The following CHKA variants were observed in gnomAD, a reference collection of about 807,000 sequenced individuals.
CHKA encodes choline kinase alpha, also known as CHETK-alpha.
CHKA carries 34 observed loss-of-function variants against 60.1 expected under a neutral mutation model. The ratio of observed to expected loss-of-function variants is 0.57; its 90% CI spans 0.43 to 0.75. CHKA has a LOEUF of 0.75. Ranked by LOEUF, CHKA falls within the 30% of genes least tolerant of loss-of-function variation. CHKA has a pLI of 0.00. For missense variants in CHKA, 563 were observed against 561.3 expected, an observed-to-expected ratio of 1.00 and a Z score of -0.03; for synonymous variants, 217 against 223.1, an observed-to-expected ratio of 0.97 and a Z score of 0.24.
In CHKA at chr11:68,105,326, C is replaced by T. The variant is rs533185824; in HGVS notation, c.351-8196G>A. On this transcript the variant is annotated intron_variant, in intron 1 of 11. Coordinates refer to ENST00000265689, the MANE Select transcript of CHKA (RefSeq NM_001277.3). ...GGTCAGGAATTCAAGACCAGCCTGG[C>T]AAACACGGTGAAACCCCATCTCTAC... Among the ~76,000 whole-genome samples the T allele has an allele frequency of 9.9e-5, 15 of 151,580 alleles. No homozygotes were observed. In the East Asian group the frequency reaches 2.9e-3, roughly 30 times the overall value.
chr11:68,084,109 T>G (rs1857077138), intron 2 of CHKA, among the ~76,000 whole-genome samples: 2 of 150,910 alleles, frequency 1.3e-5, no homozygotes, highest in African/African-American at 4.9e-5. Flanking sequence ...TAGCCGGGCA[T>G]AGTGGCGCAT....
chr11:68,077,163 A>G (rs767055814), intron 3 of CHKA, among the ~76,000 whole-genome samples: 1 of 152,104 alleles, frequency 6.6e-6, no homozygotes, highest in African/African-American at 2.4e-5. Context: ...TCGCCTGAAC[A>G]TGGGAGGCAG....
intron 1 of CHKA, among the ~76,000 whole-genome samples, chr11:68,105,999 C>T (rs868613236): frequency 1.4e-4 from 22 of 152,118 alleles, no homozygotes; most frequent in African/African-American, 5.3e-4. Context: ...GATCTTTAAG[C>T]CATAGGGCTG....
intron 11 of CHKA, among the ~76,000 whole-genome samples, chr11:68,057,368 A>G (rs1458301483): frequency 1.3e-5 from 2 of 152,086 alleles, no homozygotes; most frequent in African/African-American, 4.8e-5. Context: ...CGCCCAGGCC[A>G]GAGTGCAGTG....
At chr11:68,071,475 T>C (rs1365811772) in intron 4 of CHKA, among the ~76,000 whole-genome samples, 2 of 152,212 alleles carry the variant, frequency 1.3e-5, no homozygotes, top group Non-Finnish European at 2.9e-5. Context: ...TTCCCCTAAA[T>C]CAGCCCGAGG....
intron 3 of CHKA, among the ~76,000 whole-genome samples, chr11:68,078,922 A>AT (rs201204706): frequency 0.013 from 1,960 of 149,180 alleles, 34 homozygotes; most frequent in East Asian, 0.065. Flanking sequence ...TTCAGTTATT[A>AT]TTTTTTTTTT....
At chr11:68,089,549 C>T (rs1857287087) in intron 2 of CHKA, among the ~76,000 whole-genome samples, 1 of 152,118 alleles carries the variant, frequency 6.6e-6, no homozygotes, top group Non-Finnish European at 1.5e-5. Flanking sequence ...CCATAAATTT[C>T]TAAAATTCCT....
intron 4 of CHKA, among the ~76,000 whole-genome samples, chr11:68,071,384 G>A (rs778411295): frequency 5.3e-5 from 8 of 152,212 alleles, no homozygotes; most frequent in Non-Finnish European, 8.8e-5. Context: ...CACCTGGCCT[G>A]GCACAGAGCA....
intron 1 of CHKA, among the ~76,000 whole-genome samples, chr11:68,103,349 C>A (rs1857796615): frequency 6.6e-6 from 1 of 151,962 alleles, no homozygotes; most frequent in Admixed American, 6.6e-5. Context: ...GAGCAAGACC[C>A]TGTCTCAGTA....
Position 68,053,856 on chromosome 11 carries a change from A to T in CHKA, c.*132T>A. ...CCATTTTAATACCGTCTTTAGTATCATACACATGTGTTCAGTAGTGAGCCA... is the reference window on the plus strand; with the variant it reads ...CCATTTTAATACCGTCTTTAGTATCTTACACATGTGTTCAGTAGTGAGCCA... On this transcript the variant is annotated 3_prime_UTR_variant, in exon 12 of 12. Coordinates refer to ENST00000265689, the MANE Select transcript of CHKA (RefSeq NM_001277.3). The T allele has an allele frequency of 1.5e-6, 1 of 645,472 alleles. No individual in the cohort carries two copies. The highest frequency in any genetic ancestry group is 2.7e-5 in the Admixed American group (1 of 36,880). The allele number at this position is 645,472 out of a possible 1,614,324, so 40.0% of individuals were successfully genotyped here. A position where few individuals can be genotyped will look rare whatever the true frequency, so the allele number is the denominator to read the frequency against.
rs1053534311 is a variant in CHKA at position 68,053,742 on chromosome 11, A to G, written c.*246T>C. 11 of 434,618 alleles carry G rather than the reference A, an allele frequency of 2.5e-5. No homozygotes were observed. Among genetic ancestry groups the G allele is most frequent in the Admixed American group, 2.5e-4 (6 of 24,454 alleles). The allele number at this position is 434,618 out of a possible 1,614,324, so 26.9% of individuals were successfully genotyped here. On this transcript the variant is annotated 3_prime_UTR_variant, in exon 12 of 12. Coordinates refer to ENST00000265689, the MANE Select transcript of CHKA (RefSeq NM_001277.3). ...TTCTCTAGATTAAAAGGATTCAGAG[A>G]TGTTGCACTATTGCACTATATTTCT... is the stretch of plus-strand genomic sequence containing the variant.
chr11:68,076,761 T>A (rs1856803723), intron 3 of CHKA, among the ~76,000 whole-genome samples: 1 of 152,158 alleles, frequency 6.6e-6, no homozygotes, highest in Non-Finnish European at 1.5e-5. Context: ...TCTCCAGAGC[T>A]GAGTCAACCC....
At position 68,097,009 on chromosome 11, in the gene CHKA, A is replaced by C. The variant is rs769618494; in HGVS notation, c.462+10T>G. On this transcript the variant is annotated intron_variant, in intron 2 of 11. Coordinates refer to ENST00000265689, the MANE Select transcript of CHKA (RefSeq NM_001277.3). The stretch of plus-strand genomic sequence containing the variant: ...GGATCCCCCCCTCCCAAAGTAGCCT[A>C]CCAACTCACCATCTGCAAAATCGCT... 8.3e-5 allele frequency: 133 copies of C among 1,602,136 alleles called. No homozygotes were observed. The highest frequency in any genetic ancestry group is 1.0e-4 in the Non-Finnish European group (121 of 1,171,094).
Position 68,064,416 on chromosome 11 carries a change from A to G in CHKA, c.1232+109T>C, listed in dbSNP as rs543438017. ...GAGCAAGACTCTGTCTCAAAAAAAAAAAAAGAAGAAGAAGCTCTAAAATAC... is the reference window on the plus strand; with the variant it reads ...GAGCAAGACTCTGTCTCAAAAAAAAGAAAAGAAGAAGAAGCTCTAAAATAC... On this transcript the variant is annotated intron_variant, in intron 10 of 11. Transcript: ENST00000265689. 4.2e-5 allele frequency: 24 copies of G among 566,042 alleles called. No individual in the cohort carries two copies. In the South Asian group the frequency reaches 5.9e-4, roughly 14 times the overall value. 35.1% of individuals were successfully genotyped at this position (566,042 alleles called of 1,614,324 possible). A position where few individuals can be genotyped will look rare whatever the true frequency, so the allele number is the denominator to read the frequency against.
chr11:68,066,654 G>A, intron 7 of CHKA, 138 bp from the exon 8 acceptor site: 1 of 694,294 alleles, frequency 1.4e-6, no homozygotes, highest in South Asian at 1.7e-5. Context: ...ACATCACCAG[G>A]GCCTAGACAG....
intron 1 of CHKA, among the ~76,000 whole-genome samples, chr11:68,111,983 G>A (rs764340057): frequency 4.0e-5 from 6 of 149,914 alleles, no homozygotes; most frequent in Non-Finnish European, 7.4e-5. Context: ...AACCTGGGAG[G>A]TGGAGGTTGC....
intron 2 of CHKA, among the ~76,000 whole-genome samples, chr11:68,084,647 T>A (rs921352069): frequency 6.6e-6 from 1 of 151,824 alleles, no homozygotes; most frequent in Non-Finnish European, 1.5e-5. Flanking sequence ...ACTGGTTATT[T>A]AATATTAAGT....
chr11:68,072,487 C>T (rs1043664533), intron 4 of CHKA, among the ~76,000 whole-genome samples: 40 of 147,500 alleles, frequency 2.7e-4, no homozygotes, highest in African/African-American at 9.3e-4. Context: ...GTTGAAGCTG[C>T]AGTGAGCTGA....
chr11:68,069,798 C>A (rs1017573485), intron 6 of CHKA, among the ~76,000 whole-genome samples: 1 of 152,164 alleles, frequency 6.6e-6, no homozygotes, highest in African/African-American at 2.4e-5. Context: ...TATGAAGACT[C>A]TGTTTCTCGC....
Sources: allele counts gnomAD v4.1 joint callset (sites outside exome capture counted in the v4.1 genomes callset), GRCh38; gene constraint gnomAD v4.1.1; transcripts MANE v1.5; gene names NCBI Gene and HGNC (gene_info 2026-07-23, HGNC 2026-07-21).